RIMS1: variants seen among roughly 807,000 people sequenced by gnomAD.
RIMS1 encodes the protein regulating synaptic membrane exocytosis protein 1.
Under a neutral mutation model 214.1 loss-of-function variants are expected in RIMS1, and 83 were observed. The ratio of observed to expected loss-of-function variants is 0.39; its 90% CI spans 0.32 to 0.47. The LOEUF is 0.47. Ranked by LOEUF, RIMS1 falls within the 20% of genes least tolerant of loss-of-function variation. The pLI, the probability that RIMS1 is intolerant of heterozygous loss-of-function variation, is 0.99. For synonymous variants in RIMS1, 793 were observed against 786.8 expected, an observed-to-expected ratio of 1.01 and a Z score of -0.13; for missense variants, 2,050 against 2,161.8, an observed-to-expected ratio of 0.95 and a Z score of 1.03.
In RIMS1 at chr6:72,116,913, TGTAA is replaced by T. The variant is rs557343002; in HGVS notation, c.471+16930_471+16933del. On this transcript the variant is annotated intron_variant, in intron 4 of 33. Transcript: ENST00000521978. The stretch of plus-strand genomic sequence containing the variant: ...ATAATATTGTTACAGTGCTGTCAGT[TGTAA>T]GTGTGTGTGTATATCATAAATTCGT... Among the ~76,000 whole-genome samples, 357 of 152,136 alleles carry T rather than the reference TGTAA, an allele frequency of 2.3e-3. 2 individuals carry two copies. The highest frequency in any genetic ancestry group is 7.7e-3 in the Admixed American group (118 of 15,240).
rs1158816478 is a variant in RIMS1, at chr6:72,097,179, C to T, written c.459+17C>T. The T allele has an allele frequency of 1.9e-5, 30 of 1,606,464 alleles. No homozygotes were observed. The highest frequency in any genetic ancestry group is 2.6e-5 in the Non-Finnish European group (30 of 1,173,776). On this transcript the variant is annotated intron_variant, in intron 3 of 33. Transcript: ENST00000521978. ...TCAAACAACGTGAGTATTCCATGAA[C>T]ATAAGGGGCGTTGTGAATGTGGATA...
chr6:72,016,729 C>G (rs768947846), intron 2 of RIMS1, among the ~76,000 whole-genome samples: 2 of 152,060 alleles, frequency 1.3e-5, no homozygotes, highest in Non-Finnish European at 2.9e-5. Flanking sequence ...CTTCTTTTAA[C>G]TGTATTTGAC....
At chr6:72,073,338 A>G (rs1562252391) in intron 2 of RIMS1, among the ~76,000 whole-genome samples, 2 of 152,190 alleles carry the variant, frequency 1.3e-5, no homozygotes, top group Admixed American at 1.3e-4. Flanking sequence ...CCAGAGCTAA[A>G]CACTTATCTC....
chr6:72,399,600 T>C (rs535287802), intron 33 of RIMS1, among the ~76,000 whole-genome samples: 1 of 152,256 alleles, frequency 6.6e-6, no homozygotes, highest in East Asian at 1.9e-4. Flanking sequence ...ACCAGATGCA[T>C]TTCTAGGTGC....
chr6:72,328,465 A>C (rs980710495), intron 28 of RIMS1, among the ~76,000 whole-genome samples: 4 of 151,700 alleles, frequency 2.6e-5, no homozygotes, highest in African/African-American at 7.3e-5. Context: ...AACTCCCCCC[A>C]AAAAATCTTA....
chr6:72,241,483 C>A (rs1329804942), intron 9 of RIMS1, among the ~76,000 whole-genome samples: 2 of 151,676 alleles, frequency 1.3e-5, no homozygotes, highest in Non-Finnish European at 2.9e-5. Context: ...GTGTGAAAAC[C>A]CTAGTTAAAA....
intron 2 of RIMS1, among the ~76,000 whole-genome samples, chr6:72,000,907 A>G (rs1442217372): frequency 6.6e-6 from 1 of 151,562 alleles, no homozygotes; most frequent in Admixed American, 6.6e-5. Context: ...CCACTTCTCA[A>G]ATTTTTTTTT....
intron 1 of RIMS1, among the ~76,000 whole-genome samples, chr6:71,911,543 C>T (rs1166324601): frequency 6.6e-6 from 1 of 152,118 alleles, no homozygotes; most frequent in Non-Finnish European, 1.5e-5. Flanking sequence ...GATCCCCATA[C>T]TCTGGCCCTT....
At chr6:72,328,690 A>G (rs1343156839) in intron 28 of RIMS1, among the ~76,000 whole-genome samples, 2 of 151,774 alleles carry the variant, frequency 1.3e-5, no homozygotes, top group Non-Finnish European at 2.9e-5. Flanking sequence ...GTGTTACCAC[A>G]CAGCTATAGG....
At chr6:72,002,036 G>C (rs990203206) in intron 2 of RIMS1, among the ~76,000 whole-genome samples, 2 of 152,176 alleles carry the variant, frequency 1.3e-5, no homozygotes, top group Non-Finnish European at 2.9e-5. Context: ...TGGTAGGGGA[G>C]AAGTTTGTTA....
chr6:72,046,581 C>T (rs1242801507), intron 2 of RIMS1, among the ~76,000 whole-genome samples: 2 of 151,932 alleles, frequency 1.3e-5, no homozygotes, highest in Admixed American at 1.3e-4. Context: ...TACCCAATTA[C>T]CCATGTCATT....
chr6:72,220,221 C>T (rs985063224), intron 6 of RIMS1, among the ~76,000 whole-genome samples: 1 of 152,066 alleles, frequency 6.6e-6, no homozygotes. Flanking sequence ...GCAACAAGTC[C>T]ATATCATAAT....
At chr6:72,189,570 G>A (rs896622141) in intron 6 of RIMS1, among the ~76,000 whole-genome samples, 6 of 152,152 alleles carry the variant, frequency 3.9e-5, no homozygotes, top group Admixed American at 2.0e-4. Context: ...GGAAGAGGTC[G>A]AGTGTAATCA....
At chr6:71,909,476 T>G (rs1776279084) in intron 1 of RIMS1, among the ~76,000 whole-genome samples, 2 of 152,248 alleles carry the variant, frequency 1.3e-5, no homozygotes, top group East Asian at 3.9e-4. Context: ...AAATCACAAG[T>G]TAGCTGAGGA....
chr6:72,052,564 A>G (rs1353142359), intron 2 of RIMS1, among the ~76,000 whole-genome samples: 1 of 152,194 alleles, frequency 6.6e-6, no homozygotes, highest in African/African-American at 2.4e-5. Context: ...AGCATGGTGG[A>G]CTGTAAATAT....
intron 4 of RIMS1, among the ~76,000 whole-genome samples, chr6:72,161,851 G>C (rs2045471505): frequency 7.1e-6 from 1 of 141,010 alleles, no homozygotes; most frequent in East Asian, 2.0e-4. Flanking sequence ...GTGCTGAAAA[G>C]AATGTATATT....
intron 6 of RIMS1, chr6:72,216,907 C>G (rs1275968903): frequency 1.6e-6 from 2 of 1,222,762 alleles, no homozygotes; most frequent in African/African-American, 3.1e-5. Flanking sequence ...CAGCACAGAG[C>G]ACTATAGATT....
At chr6:72,390,852 A>G (rs993769504) in intron 30 of RIMS1, 116 bp downstream of exon 30, 35 of 1,323,162 alleles carry the variant, frequency 2.6e-5, no homozygotes, top group Middle Eastern at 2.4e-4. Flanking sequence ...CAGAAGTTCA[A>G]CCATCCATTT....
intron 4 of RIMS1, among the ~76,000 whole-genome samples, chr6:72,119,750 C>G (rs890950780): frequency 6.6e-6 from 1 of 151,606 alleles, no homozygotes; most frequent in African/African-American, 2.4e-5. Context: ...GTGTGCTGCA[C>G]CCATTAACTC....
Sources: allele counts gnomAD v4.1 joint callset (sites outside exome capture counted in the v4.1 genomes callset), GRCh38; gene constraint gnomAD v4.1.1; transcripts MANE v1.5; gene names NCBI Gene and HGNC (gene_info 2026-07-23, HGNC 2026-07-21).